HDAC4: variants seen among roughly 807,000 people sequenced by gnomAD.
HDAC4 encodes the protein histone deacetylase 4.
HDAC4 carries 16 observed loss-of-function variants against 135.1 expected under a neutral mutation model. The observed-to-expected ratio is 0.12, with a 90% CI of 0.08 to 0.18. The LOEUF (loss-of-function observed/expected upper bound fraction) is 0.18, where lower values mean the gene tolerates loss of function less well. HDAC4 is among the 10% of genes least tolerant of loss of function. The probability of loss-of-function intolerance (pLI) is 1.00; values close to 1 mark genes in which losing one functional copy is unlikely to be tolerated. For synonymous variants in HDAC4, 685 were observed against 653.4 expected, an observed-to-expected ratio of 1.05 and a Z score of -0.74; for missense variants, 1,143 against 1,511.8, an observed-to-expected ratio of 0.76 and a Z score of 4.05.
At chr2:239,234,300 A>G (rs573382055) in intron 3 of HDAC4, among the ~76,000 whole-genome samples, 1 of 152,312 alleles carries the variant, frequency 6.6e-6, no homozygotes, top group South Asian at 2.1e-4. Context: ...CCATGCCTGA[A>G]TATGCAATAA....
At chr2:239,125,313 C>T (rs978781235) in intron 12 of HDAC4, among the ~76,000 whole-genome samples, 1 of 152,176 alleles carries the variant, frequency 6.6e-6, no homozygotes, top group Non-Finnish European at 1.5e-5. Flanking sequence ...GGCCCCTCTC[C>T]CCACCCCTTG....
At chr2:239,371,532 C>T (rs748250054) in intron 1 of HDAC4, among the ~76,000 whole-genome samples, 2 of 152,128 alleles carry the variant, frequency 1.3e-5, no homozygotes, top group Non-Finnish European at 2.9e-5. Flanking sequence ...TAAACACACC[C>T]GATCACATTC....
chr2:239,351,258 A>C (rs1464762616), intron 2 of HDAC4, among the ~76,000 whole-genome samples: 1 of 152,254 alleles, frequency 6.6e-6, no homozygotes, highest in Non-Finnish European at 1.5e-5. Context: ...TGGTATAAAC[A>C]CTGCTACAAC....
chr2:239,056,269 G>A (rs954553607), intron 24 of HDAC4, among the ~76,000 whole-genome samples: 1 of 152,350 alleles, frequency 6.6e-6, no homozygotes, highest in East Asian at 1.9e-4. Flanking sequence ...TGGGTCAGGA[G>A]GGATGATGAG....
At chr2:239,376,820 G>A (rs970854302) in intron 1 of HDAC4, among the ~76,000 whole-genome samples, 4 of 152,038 alleles carry the variant, frequency 2.6e-5, no homozygotes, top group Admixed American at 2.0e-4. Flanking sequence ...GGGTCTCGGT[G>A]GAACCAGACT....
chr2:239,318,365 G>A (rs1226941888), intron 2 of HDAC4, among the ~76,000 whole-genome samples: 15 of 152,190 alleles, frequency 9.9e-5, no homozygotes, highest in Non-Finnish European at 1.5e-5. Context: ...CAAAATAGCT[G>A]CCCCTACGCT....
At chr2:239,087,468 T>A in intron 19 of HDAC4, 91 bp downstream of exon 19, 1 of 1,284,222 alleles carries the variant, frequency 7.8e-7, no homozygotes, top group South Asian at 1.3e-5. Context: ...GCAGCCCAGC[T>A]CCCCGCAGTC....
intron 4 of HDAC4, among the ~76,000 whole-genome samples, chr2:239,177,908 C>T (rs544279702): frequency 1.9e-4 from 29 of 152,324 alleles, no homozygotes; most frequent in African/African-American, 6.3e-4. Context: ...TTTGGCCTGG[C>T]GCTGACGAGT....
intron 1 of HDAC4, among the ~76,000 whole-genome samples, chr2:239,355,796 C>G (rs1017333761): frequency 6.6e-6 from 1 of 152,168 alleles, no homozygotes; most frequent in African/African-American, 2.4e-5. Context: ...CTACCCTGTT[C>G]TGTGTTCACT....
intron 2 of HDAC4, among the ~76,000 whole-genome samples, chr2:239,291,195 C>T (rs187185059): frequency 3.0e-4 from 46 of 152,346 alleles, no homozygotes; most frequent in Non-Finnish European, 5.7e-4. Flanking sequence ...GGGACGCTGC[C>T]GTCGAGTGCC....
At chr2:239,248,808 AC>A (rs1347272161) in intron 2 of HDAC4, among the ~76,000 whole-genome samples, 1 of 151,888 alleles carries the variant, frequency 6.6e-6, no homozygotes, top group African/African-American at 2.4e-5. Context: ...AAGCAAACTG[AC>A]CCCCACTCTG....
chr2:239,377,804 C>T (rs1053692301), intron 1 of HDAC4, among the ~76,000 whole-genome samples: 6 of 152,136 alleles, frequency 3.9e-5, no homozygotes, highest in African/African-American at 7.2e-5. Context: ...CAACTGGGCA[C>T]GGCCAGGCAG....
At chr2:239,399,209 T>C (rs759517953) in intron 1 of HDAC4, among the ~76,000 whole-genome samples, 1 of 152,232 alleles carries the variant, frequency 6.6e-6, no homozygotes. Flanking sequence ...AAATTTCACA[T>C]ATTTTTGATA....
intron 1 of HDAC4, among the ~76,000 whole-genome samples, chr2:239,374,294 G>GAGGC (rs1271590421): frequency 6.6e-6 from 1 of 150,890 alleles, no homozygotes; most frequent in Non-Finnish European, 1.5e-5. Flanking sequence ...ACACAGGTCA[G>GAGGC]AGGTGCTGCA....
chr2:239,273,245 C>T (rs910037559), intron 2 of HDAC4, among the ~76,000 whole-genome samples: 4 of 152,032 alleles, frequency 2.6e-5, no homozygotes, highest in Admixed American at 2.0e-4. Flanking sequence ...CACAGGGCCT[C>T]GTGGATCAAG....
chr2:239,101,333 C>T (rs1462651060), intron 16 of HDAC4, among the ~76,000 whole-genome samples: 1 of 152,218 alleles, frequency 6.6e-6, no homozygotes, highest in African/African-American at 2.4e-5. Context: ...TACAGGGCAT[C>T]CAGTACAGAA....
chr2:239,264,682 T>C (rs2049604931), intron 2 of HDAC4, among the ~76,000 whole-genome samples: 1 of 152,146 alleles, frequency 6.6e-6, no homozygotes, highest in Admixed American at 6.5e-5. Flanking sequence ...TCAGCCTTCC[T>C]GGGTAGAAGC....
chr2:239,296,045 G>A (rs902819138), intron 2 of HDAC4, among the ~76,000 whole-genome samples: 2 of 152,178 alleles, frequency 1.3e-5, no homozygotes, highest in African/African-American at 2.4e-5. Context: ...ATGCTATCAC[G>A]CCCATTTTAC....
At chr2:239,234,724 G>A (rs2047782832) in intron 3 of HDAC4, among the ~76,000 whole-genome samples, 1 of 152,202 alleles carries the variant, frequency 6.6e-6, no homozygotes, top group Admixed American at 6.5e-5. Context: ...TGCCCTCTGT[G>A]GGAGGCTGAA....
Sources: gnomAD v4.1 joint callset for allele counts (sites outside exome capture counted in the v4.1 genomes callset) on GRCh38, gnomAD v4.1.1 for gene constraint, MANE v1.5 for transcripts, NCBI Gene and HGNC (gene_info 2026-07-23, HGNC 2026-07-21) for gene names.